TEC: variants seen among roughly 807,000 people sequenced by gnomAD.
TEC encodes tyrosine-protein kinase Tec.
TEC carries 72 observed loss-of-function variants against 93.0 expected under a neutral mutation model. The observed-to-expected ratio is 0.77, with a 90% CI of 0.64 to 0.94. TEC has a LOEUF of 0.94. TEC is among the 40% of genes least tolerant of loss of function. TEC has a pLI of 0.00. For synonymous variants in TEC, 249 were observed against 247.7 expected (o/e 1.01, Z -0.05); for missense variants, 630 against 757.9 (o/e 0.83, Z 1.98).
chr4:48,213,299 G>A (rs187092742), intron 2 of TEC, among the ~76,000 whole-genome samples: 74 of 152,280 alleles, frequency 4.9e-4, no homozygotes, highest in African/African-American at 1.7e-3. Context: ...ATATTTTGTA[G>A]TATTTTCTTT....
chr4:48,139,158 T>C, intron 15 of TEC, 136 bp from the exon 16 acceptor site: 1 of 721,854 alleles, frequency 1.4e-6, no homozygotes, highest in Non-Finnish European at 2.3e-6. Flanking sequence ...AAGCTAAATG[T>C]TCACCTCAGT....
chr4:48,180,616 G>A (rs1279396699), intron 2 of TEC, among the ~76,000 whole-genome samples: 1 of 152,180 alleles, frequency 6.6e-6, no homozygotes, highest in Non-Finnish European at 1.5e-5. Flanking sequence ...GAGAGTTTCA[G>A]GCTGCAAAAC....
intron 1 of TEC, among the ~76,000 whole-genome samples, chr4:48,262,239 C>G (rs1330796675): frequency 1.1e-5 from 1 of 91,396 alleles, no homozygotes; most frequent in Non-Finnish European, 2.1e-5. Context: ...CTCTGTTGCC[C>G]AGGCTGGAGT....
intron 9 of TEC, among the ~76,000 whole-genome samples, chr4:48,152,967 A>T (rs540473740): frequency 1.8e-4 from 28 of 152,230 alleles, no homozygotes; most frequent in Non-Finnish European, 4.0e-4. Flanking sequence ...TGTAGAGATC[A>T]TCTTCTAGTC....
At chr4:48,176,293 T>A in intron 2 of TEC, 107 bp from the exon 3 acceptor site, 1 of 714,166 alleles carries the variant, frequency 1.4e-6, no homozygotes, top group Non-Finnish European at 2.4e-6. Flanking sequence ...GCAATTTCTT[T>A]AAAATTATCT....
chr4:48,227,472 A>T (rs1300962094), intron 2 of TEC, among the ~76,000 whole-genome samples: 1 of 151,864 alleles, frequency 6.6e-6, no homozygotes, highest in Non-Finnish European at 1.5e-5. Flanking sequence ...GTGAAACCCC[A>T]TCTCTACTAA....
chr4:48,137,820 C>A (rs763419203), intron 17 of TEC, among the ~76,000 whole-genome samples: 2 of 152,222 alleles, frequency 1.3e-5, no homozygotes, highest in Admixed American at 6.5e-5. Context: ...GTTACCCAAT[C>A]TTGTTCCCCA....
intron 1 of TEC, among the ~76,000 whole-genome samples, chr4:48,257,280 G>A (rs560465516): frequency 8.7e-4 from 133 of 152,212 alleles, no homozygotes; most frequent in Non-Finnish European, 1.5e-3. Flanking sequence ...AATTACATAT[G>A]TGGCTTACAG....
chr4:48,187,598 C>G (rs1721935186), intron 2 of TEC, among the ~76,000 whole-genome samples: 2 of 152,146 alleles, frequency 1.3e-5, no homozygotes, highest in African/African-American at 4.8e-5. Flanking sequence ...GATCTTATGA[C>G]CACTTAAGAC....
At chr4:48,232,726 G>T (rs1723682431) in intron 1 of TEC, among the ~76,000 whole-genome samples, 1 of 152,138 alleles carries the variant, frequency 6.6e-6, no homozygotes, top group South Asian at 2.1e-4. Flanking sequence ...TGTTGTTAAG[G>T]AACTGACTCT....
chr4:48,237,790 C>T (rs1023073805), intron 1 of TEC, among the ~76,000 whole-genome samples: 4 of 152,130 alleles, frequency 2.6e-5, no homozygotes, highest in Non-Finnish European at 1.5e-5. Flanking sequence ...AACAGGTGAC[C>T]TTATTTCACA....
intron 1 of TEC, among the ~76,000 whole-genome samples, chr4:48,232,166 G>A (rs183511739): frequency 2.0e-3 from 308 of 152,224 alleles, no homozygotes; most frequent in Non-Finnish European, 3.6e-3. Flanking sequence ...GCGGGTGCCT[G>A]TAGTCCCAGC....
At chr4:48,201,714 G>A (rs532053102) in intron 2 of TEC, among the ~76,000 whole-genome samples, 4 of 152,316 alleles carry the variant, frequency 2.6e-5, no homozygotes, top group African/African-American at 9.6e-5. Context: ...GGCTAAGGAA[G>A]GGGACGGGAA....
At chr4:48,226,976 A>G (rs1223594336) in intron 2 of TEC, among the ~76,000 whole-genome samples, 1 of 152,210 alleles carries the variant, frequency 6.6e-6, no homozygotes, top group African/African-American at 2.4e-5. Flanking sequence ...ATCATATGTT[A>G]CATAATAGTC....
chr4:48,186,541 AC>A (rs1721860019), intron 2 of TEC, among the ~76,000 whole-genome samples: 1 of 133,742 alleles, frequency 7.5e-6, no homozygotes, highest in Non-Finnish European at 1.6e-5. Flanking sequence ...TCTCTGCCGG[AC>A]CGCCACCCTG....
intron 1 of TEC, among the ~76,000 whole-genome samples, chr4:48,256,058 T>C (rs1052937999): frequency 6.6e-6 from 1 of 152,132 alleles, no homozygotes; most frequent in African/African-American, 2.4e-5. Context: ...GGAAATACAA[T>C]TATGAATAAC....
chr4:48,263,386 CAGAA>C (rs1724547054), intron 1 of TEC, among the ~76,000 whole-genome samples: 2 of 152,126 alleles, frequency 1.3e-5, no homozygotes, highest in African/African-American at 4.8e-5. Context: ...GTCAAGATGG[CAGAA>C]AGAGTCATCC....
chr4:48,168,454 A>G (rs1423245172), intron 6 of TEC, 132 bp downstream of exon 6: 1 of 901,516 alleles, frequency 1.1e-6, no homozygotes, highest in Non-Finnish European at 1.7e-6. Context: ...TGCTTCTGAG[A>G]CGATCCTAGG....
intron 1 of TEC, among the ~76,000 whole-genome samples, chr4:48,268,850 C>T (rs934766926): frequency 6.6e-6 from 1 of 152,186 alleles, no homozygotes; most frequent in Non-Finnish European, 1.5e-5. Context: ...ACATTAAGAT[C>T]AATCTTTCGA....
Sources: gnomAD v4.1 joint callset for allele counts (sites outside exome capture counted in the v4.1 genomes callset) on GRCh38, gnomAD v4.1.1 for gene constraint, MANE v1.5 for transcripts, NCBI Gene and HGNC (gene_info 2026-07-23, HGNC 2026-07-21) for gene names.